Variants in EPYC observed in about 807,000 individuals in gnomAD.
EPYC encodes the protein epiphycan.
Under a neutral mutation model 30.1 loss-of-function variants are expected in EPYC, and 28 were observed. The observed-to-expected ratio is 0.93, with a 90% CI of 0.69 to 1.28. The LOEUF is 1.28. Among genes scored for constraint, EPYC ranks in the 50% most tolerant of loss-of-function variants. The probability of loss-of-function intolerance (pLI) is 0.00; values close to 1 mark genes in which losing one functional copy is unlikely to be tolerated. For synonymous variants in EPYC, 144 were observed against 141.4 expected, an observed-to-expected ratio of 1.02 and a Z score of -0.13; for missense variants, 382 against 383.5, an observed-to-expected ratio of 1.00 and a Z score of 0.03.
chr12:91,004,658 G>A (rs1877910895), intron 1 of EPYC, among the ~76,000 whole-genome samples: 1 of 151,948 alleles, frequency 6.6e-6, no homozygotes, highest in Admixed American at 6.6e-5. Flanking sequence ...AATGTGGTCT[G>A]TGTCAGGAAA....
intron 3 of EPYC, among the ~76,000 whole-genome samples, chr12:90,974,038 TCACA>T (rs560408641): frequency 0.024 from 3,349 of 140,420 alleles, 123 homozygotes; most frequent in African/African-American, 0.082. Context: ...TTACACACAC[TCACA>T]CACACACACA....
At chr12:90,977,084 T>C (rs1877204633) in intron 3 of EPYC, among the ~76,000 whole-genome samples, 1 of 152,302 alleles carries the variant, frequency 6.6e-6, no homozygotes, top group African/African-American at 2.4e-5. Flanking sequence ...ATGTCTATCT[T>C]CCTGTGCTAG....
intron 2 of EPYC, among the ~76,000 whole-genome samples, chr12:90,981,708 A>G (rs1298581126): frequency 6.6e-6 from 1 of 152,128 alleles, no homozygotes; most frequent in African/African-American, 2.4e-5. Flanking sequence ...GCAATCACAC[A>G]TCTTCCTGAT....
chr12:90,992,702 T>A (rs1232219325), intron 2 of EPYC, among the ~76,000 whole-genome samples: 1 of 152,170 alleles, frequency 6.6e-6, no homozygotes, highest in East Asian at 1.9e-4. Context: ...AATGTTACTC[T>A]GAGAGAAGGA....
Position 90,972,911 on chromosome 12 carries a change from G to A in EPYC, c.410C>T (p.Ala137Val), listed in dbSNP as rs767872227. ...TVYCDDHELD[A>V]IPPLPKNTAY... ...GGTGTTCTTTGGCAGCGGAGGAATA[G>A]CATCAAGTTCATGGTCATCACAGTA... The change falls in exon 4 of 7, where the codon GCT becomes GTT. Residue 137 changes from alanine (A) to valine (V), a missense_variant. Physicochemically the swap from Ala to Val is moderately conservative, Grantham distance 64. Coordinates refer to ENST00000261172, the MANE Select transcript of EPYC (RefSeq NM_004950.5). 1.2e-5 allele frequency: 20 copies of A among 1,612,376 alleles called. No individual in the cohort carries two copies. The highest frequency in any genetic ancestry group is 1.2e-4 in the Admixed American group (7 of 59,974).
At chr12:90,996,846 A>G (rs2120863988) in intron 2 of EPYC, among the ~76,000 whole-genome samples, 1 of 152,180 alleles carries the variant, frequency 6.6e-6, no homozygotes, top group Non-Finnish European at 1.5e-5. Flanking sequence ...GAATGCATAT[A>G]CCATATCATT....
chr12:90,976,201 G>A (rs535146689), intron 3 of EPYC, among the ~76,000 whole-genome samples: 20 of 151,790 alleles, frequency 1.3e-4, no homozygotes, highest in Admixed American at 5.3e-4. Context: ...TTGTTCAAGG[G>A]GTATAAAATT....
intron 2 of EPYC, among the ~76,000 whole-genome samples, chr12:90,991,914 A>G (rs1327752887): frequency 6.6e-6 from 1 of 152,160 alleles, no homozygotes; most frequent in Non-Finnish European, 1.5e-5. Flanking sequence ...GAACTATTGA[A>G]CAAAGTCTTG....
rs1255674378 is a variant in EPYC, at chr12:90,989,774, C to G, written c.166-11512G>C. ...AATGGCAATATTCCATTTTTAGTCA[C>G]CAGAAAGAGTTTCTACTTCAGCTTT... On this transcript the variant is annotated intron_variant, in intron 2 of 6. Transcript: ENST00000261172. Among the ~76,000 whole-genome samples the G allele has an allele frequency of 2.0e-5, 3 of 152,098 alleles. No homozygotes were observed. The East Asian group carries it at 5.8e-4, about 29-fold the overall frequency.
chr12:90,980,716 T>G (rs1346678161), intron 2 of EPYC, among the ~76,000 whole-genome samples: 1 of 152,168 alleles, frequency 6.6e-6, no homozygotes, highest in Non-Finnish European at 1.5e-5. Context: ...TTTCTCAAGC[T>G]ACAATTGGTA....
At chr12:90,965,093 G>A (rs899727133) in intron 6 of EPYC, among the ~76,000 whole-genome samples, 5 of 152,126 alleles carry the variant, frequency 3.3e-5, no homozygotes, top group South Asian at 2.1e-4. Context: ...GACATTTCAC[G>A]TAAGTAGAAT....
At chr12:90,967,246 T>C (rs1288938805) in intron 6 of EPYC, among the ~76,000 whole-genome samples, 1 of 152,048 alleles carries the variant, frequency 6.6e-6, no homozygotes, top group Non-Finnish European at 1.5e-5. Flanking sequence ...CAGCTGAAAA[T>C]TTCCCTTTAA....
chr12:90,976,793 G>A (rs1026424813), intron 3 of EPYC, among the ~76,000 whole-genome samples: 10 of 152,024 alleles, frequency 6.6e-5, no homozygotes, highest in African/African-American at 1.4e-4. Context: ...TCATGGGGGC[G>A]GCTTCCCTCA....
intron 2 of EPYC, among the ~76,000 whole-genome samples, chr12:90,986,483 C>G (rs1185033480): frequency 6.6e-6 from 1 of 152,136 alleles, no homozygotes; most frequent in African/African-American, 2.4e-5. Context: ...AACCCCTATA[C>G]TCTGCGCTCT....
intron 3 of EPYC, among the ~76,000 whole-genome samples, chr12:90,976,749 T>G (rs1229755574): frequency 6.6e-6 from 1 of 152,082 alleles, no homozygotes; most frequent in Non-Finnish European, 1.5e-5. Context: ...AATTCCCACA[T>G]GTTGTGGGAG....
chr12:90,986,097 A>C (rs1877442358), intron 2 of EPYC, among the ~76,000 whole-genome samples: 1 of 152,006 alleles, frequency 6.6e-6, no homozygotes, highest in South Asian at 2.1e-4. Flanking sequence ...ATATTAGCCA[A>C]AGTTGGAGCT....
intron 2 of EPYC, among the ~76,000 whole-genome samples, chr12:90,996,536 C>A (rs1442855555): frequency 1.3e-5 from 2 of 151,864 alleles, no homozygotes; most frequent in African/African-American, 4.8e-5. Context: ...ATTGATACAA[C>A]TGCCCTTATT....
intron 2 of EPYC, among the ~76,000 whole-genome samples, chr12:90,979,970 A>G (rs1407263228): frequency 1.3e-5 from 2 of 152,174 alleles, no homozygotes; most frequent in Non-Finnish European, 2.9e-5. Context: ...TTTAGGAGCA[A>G]TACATGAAGA....
At chr12:91,002,189 C>CAAAAAAAAAAAAAAAA (rs34987645) in intron 2 of EPYC, among the ~76,000 whole-genome samples, 1 of 73,458 alleles carries the variant, frequency 1.4e-5, no homozygotes. Flanking sequence ...GACACTGTCT[C>CAAAAAAAAAAAAAAAA]AAAAAAAAAA....
Sources: gnomAD v4.1 joint callset for allele counts (sites outside exome capture counted in the v4.1 genomes callset) on GRCh38, gnomAD v4.1.1 for gene constraint, MANE v1.5 for transcripts, NCBI Gene and HGNC (gene_info 2026-07-23, HGNC 2026-07-21) for gene names.